The following FAAH2 variants were observed in gnomAD, a reference collection of about 807,000 sequenced individuals.
The protein encoded by FAAH2 is fatty acid amide hydrolase 2, also known as fatty-acid amide hydrolase 2.
FAAH2 carries 60 observed loss-of-function variants against 36.9 expected under a neutral mutation model. That is an observed-to-expected ratio of 1.63 (90% CI 1.32 to 2.02). The LOEUF is 2.02. FAAH2 is among the 30% of genes most tolerant of loss of function. FAAH2 has a pLI of 0.00. For missense variants in FAAH2, 689 were observed against 397.5 expected, an observed-to-expected ratio of 1.73 and a Z score of -6.23; for synonymous variants, 214 against 143.8, an observed-to-expected ratio of 1.49 and a Z score of -3.49.
chrX:57,440,587 CTTTA>C (rs1435390031), intron 8 of FAAH2, among the ~76,000 whole-genome samples: 2 of 111,314 alleles, frequency 1.8e-5, no homozygotes, highest in East Asian at 5.6e-4. Flanking sequence ...ATTGAATATT[CTTTA>C]TTTCTTTCCC....
At position 57,479,069 on chromosome X, in the gene FAAH2, G is replaced by C. The variant is rs1306555384; in HGVS notation, c.1424-9688G>C. Among the ~76,000 whole-genome samples, 4 of 111,393 alleles carry C rather than the reference G, an allele frequency of 3.6e-5. No individual in the cohort carries two copies. In the Admixed American group the frequency reaches 3.8e-4, roughly 11 times the overall value. On this transcript the variant is annotated intron_variant, in intron 10 of 10. Coordinates refer to ENST00000374900, the MANE Select transcript of FAAH2 (RefSeq NM_174912.4). Reference sequence around the variant, plus strand: ...TGGGGATGGCAATGAATGTATAAATGACCTTGGGCAGTTTGGCCATTTTCA... The same window carrying C: ...TGGGGATGGCAATGAATGTATAAATCACCTTGGGCAGTTTGGCCATTTTCA...
chrX:57,399,635 C>T (rs766895715), intron 7 of FAAH2, among the ~76,000 whole-genome samples: 1 of 111,405 alleles, frequency 9.0e-6, no homozygotes, highest in Non-Finnish European at 1.9e-5. Context: ...TTTCTGATGA[C>T]CCCAGTAGTG....
chrX:57,452,288 T>A (rs772226693), intron 10 of FAAH2: 3 of 753,250 alleles, frequency 4.0e-6, no homozygotes, highest in East Asian at 3.0e-4. Context: ...AGCATTAGAG[T>A]GAAACTCAAG....
the FAAH2 span, chrX:57,136,904 C>A: frequency 1.4e-6 from 1 of 690,333 alleles, no homozygotes; most frequent in Non-Finnish European, 2.1e-6. Context: ...CTGCCACTAG[C>A]ATCCACTCCC....
chrX:57,466,553 A>C (rs2147233440), intron 10 of FAAH2, among the ~76,000 whole-genome samples: 1 of 110,560 alleles, frequency 9.0e-6, no homozygotes, highest in Admixed American at 9.7e-5. Flanking sequence ...AATAACATTA[A>C]ATTTGAATGG....
chrX:57,331,854 A>G (rs2053417813), intron 4 of FAAH2, 47 bp downstream of exon 4: 7 of 1,093,353 alleles, frequency 6.4e-6, no homozygotes, highest in African/African-American at 1.8e-5. Flanking sequence ...GCTAACAATA[A>G]TAATTATGAA....
At chrX:57,205,060 T>A in the FAAH2 span, among the ~76,000 whole-genome samples, 1 of 112,176 alleles carries the variant, frequency 8.9e-6, no homozygotes, top group Non-Finnish European at 1.9e-5. Context: ...CCAGACAAAG[T>A]GAGAAAAGGT....
At chrX:57,255,904 T>C in the FAAH2 span, among the ~76,000 whole-genome samples, 1 of 111,634 alleles carries the variant, frequency 9.0e-6, no homozygotes, top group African/African-American at 3.3e-5. Context: ...CTATTCAACA[T>C]AGTATTGGAA....
chrX:57,189,641 C>T, the FAAH2 span, among the ~76,000 whole-genome samples: 1 of 111,419 alleles, frequency 9.0e-6, no homozygotes, highest in Non-Finnish European at 1.9e-5. Flanking sequence ...AACAATCAGG[C>T]CCGTCTTCTG....
chrX:57,483,809 T>G (rs2057423833), intron 10 of FAAH2, among the ~76,000 whole-genome samples: 1 of 37,829 alleles, frequency 2.6e-5, no homozygotes, highest in African/African-American at 1.2e-4. Context: ...TTTTTTTTTT[T>G]TGAGACGGAG....
At chrX:57,301,459 T>C (rs2052364549) in intron 2 of FAAH2, among the ~76,000 whole-genome samples, 1 of 61,978 alleles carries the variant, frequency 1.6e-5, no homozygotes, top group Non-Finnish European at 2.9e-5. Context: ...CCGGGGACTG[T>C]TGTGGGGTGG....
At chrX:57,321,658 G>T (rs1325697931) in intron 3 of FAAH2, among the ~76,000 whole-genome samples, 2 of 110,369 alleles carry the variant, frequency 1.8e-5, no homozygotes, top group Non-Finnish European at 3.8e-5. Flanking sequence ...TGTAATATGG[G>T]TGTGTTGAAG....
At chrX:57,142,219 C>T in the FAAH2 span, among the ~76,000 whole-genome samples, 2 of 111,412 alleles carry the variant, frequency 1.8e-5, no homozygotes, top group Non-Finnish European at 3.8e-5. Flanking sequence ...AGTTTTTATG[C>T]TTTTTTGACT....
the FAAH2 span, among the ~76,000 whole-genome samples, chrX:57,215,078 T>C: frequency 2.2e-5 from 2 of 90,007 alleles, no homozygotes; most frequent in Admixed American, 2.6e-4. Flanking sequence ...GGGTCTAATA[T>C]CCAAAATTTA....
At chrX:57,425,685 A>C (rs1371097830) in intron 7 of FAAH2, among the ~76,000 whole-genome samples, 1 of 111,802 alleles carries the variant, frequency 8.9e-6, no homozygotes, top group East Asian at 2.8e-4. Context: ...TCATGACTAT[A>C]CTCGTTCTAC....
At position 57,441,803 on chromosome X, in the gene FAAH2, G is replaced by A. The variant is rs767241823; in HGVS notation, c.1117-5125G>A. Among the ~76,000 whole-genome samples, 6 of 111,346 alleles carry A rather than the reference G, an allele frequency of 5.4e-5. No homozygotes were observed. In the South Asian group the frequency reaches 1.5e-3, roughly 28 times the overall value. The stretch of plus-strand genomic sequence containing the variant: ...AAATGTGTCCCAGAGATTCTGGTGT[G>A]TTGTGTCTTTGTTCTCATTGGTTTT... On this transcript the variant is annotated intron_variant, in intron 8 of 10. Coordinates refer to ENST00000374900, the MANE Select transcript of FAAH2 (RefSeq NM_174912.4).
chrX:57,255,634 T>C, the FAAH2 span, among the ~76,000 whole-genome samples: 1 of 112,050 alleles, frequency 8.9e-6, no homozygotes, highest in Non-Finnish European at 1.9e-5. Flanking sequence ...TGCAAATCAA[T>C]GAATGTAATC....
rs749703008 is a variant in FAAH2, at chrX:57,310,366, A to T, written c.276-227A>T. ...TTCTAATATAAATAATGATGCACTGACCAGCTTTCTGTATGGATAATTCTT... is the reference window on the plus strand; with the variant it reads ...TTCTAATATAAATAATGATGCACTGTCCAGCTTTCTGTATGGATAATTCTT... On this transcript the variant is annotated intron_variant, in intron 2 of 10. Coordinates refer to ENST00000374900, the MANE Select transcript of FAAH2 (RefSeq NM_174912.4). 3.6e-5 allele frequency among the ~76,000 whole-genome samples: 4 copies of T among 111,650 alleles called. No homozygotes were observed. The South Asian group carries it at 1.5e-3, about 42-fold the overall frequency.
chrX:57,130,784 G>A, the FAAH2 span, among the ~76,000 whole-genome samples: 1 of 111,682 alleles, frequency 9.0e-6, no homozygotes, highest in Non-Finnish European at 1.9e-5. Flanking sequence ...GAGCTCAGCA[G>A]CTCATAGTTT....
Sources: allele counts gnomAD v4.1 joint callset (sites outside exome capture counted in the v4.1 genomes callset), GRCh38; gene constraint gnomAD v4.1.1; transcripts MANE v1.5; gene names NCBI Gene and HGNC (gene_info 2026-07-23, HGNC 2026-07-21).